PHGDH: variants seen among roughly 807,000 people sequenced by gnomAD.
The protein encoded by PHGDH is D-3-phosphoglycerate dehydrogenase.
Under a neutral mutation model 52.6 loss-of-function variants are expected in PHGDH, and 50 were observed. That is an observed-to-expected ratio of 0.95 (90% CI 0.76 to 1.20). PHGDH has a LOEUF of 1.20. Ranked by LOEUF, PHGDH falls within the 50% of genes most tolerant of loss-of-function variation. The pLI, the probability that PHGDH is intolerant of heterozygous loss-of-function variation, is 0.00. For synonymous variants in PHGDH, 271 were observed against 280.5 expected, an observed-to-expected ratio of 0.97 and a Z score of 0.34; for missense variants, 630 against 684.6, an observed-to-expected ratio of 0.92 and a Z score of 0.89.
At chr1:119,721,044 A>C in intron 1 of PHGDH, 126 bp from the exon 2 acceptor site, 1 of 863,780 alleles carries the variant, frequency 1.2e-6, no homozygotes. Flanking sequence ...ATGAACTGGC[A>C]GTCATCAGTG....
In PHGDH at chr1:119,721,218, GT is replaced by G; in HGVS notation, c.188del (p.Val63AlafsTer34). ...CTCTGCCACCAAGGTGACCGCTGAT[GT>G]CATCAACGCAGCTGAGAAACTCCAG... ...VRSATKVTAD[V>X]INAAEKLQVV... On this transcript the variant is annotated frameshift_variant, in exon 2 of 12. Coordinates refer to ENST00000641023, the MANE Select transcript of PHGDH (RefSeq NM_006623.4). LOFTEE classifies it high-confidence loss of function. 6.2e-7 allele frequency: 1 copy of G among 1,614,210 alleles called. No homozygotes were observed. The highest frequency in any genetic ancestry group is 1.1e-5 in the South Asian group (1 of 91,078).
At position 119,742,892 on chromosome 1, in the gene PHGDH, A is replaced by T; in HGVS notation, c.1295A>T (p.Tyr432Phe). ...LLAVALAGAP[Y>F]QAVGLVQGTT... ...GCCGTGGCCCTGGCAGGCGCCCCTT[A>T]CCAGGCTGTGGGCTTGGTCCAAGGC... is the stretch of plus-strand genomic sequence containing the variant. The change falls in exon 11 of 12, where the codon TAC becomes TTC. Residue 432 changes from tyrosine to phenylalanine, a missense_variant. Coordinates refer to ENST00000641023, the MANE Select transcript of PHGDH (RefSeq NM_006623.4). The T allele has an allele frequency of 1.9e-6, 3 of 1,613,862 alleles. No individual in the cohort carries two copies. Among genetic ancestry groups the T allele is most frequent in the Non-Finnish European group, 2.5e-6 (3 of 1,179,730 alleles).
At chr1:119,726,826 T>A in intron 3 of PHGDH, 25 bp from the exon 4 acceptor site, 1 of 1,610,020 alleles carries the variant, frequency 6.2e-7, no homozygotes, top group Non-Finnish European at 8.5e-7. Flanking sequence ...GAATGGACCC[T>A]CTGAACCTGT....
chr1:119,716,762 T>A (rs1022129777), intron 1 of PHGDH, among the ~76,000 whole-genome samples: 4 of 152,112 alleles, frequency 2.6e-5, no homozygotes, highest in African/African-American at 7.2e-5. Context: ...CTCAGTGTGT[T>A]ACCAATTTTC....
chr1:119,720,863 G>A (rs1651116859), intron 1 of PHGDH: 1 of 406,002 alleles, frequency 2.5e-6, no homozygotes, highest in Non-Finnish European at 4.7e-6. Flanking sequence ...GCATCATGGT[G>A]CTGTCTAGAG....
chr1:119,734,156 A>G (rs587708697), intron 5 of PHGDH: 65 of 285,332 alleles, frequency 2.3e-4, no homozygotes, highest in Non-Finnish European at 3.4e-4. Context: ...TGCAGCTGCC[A>G]TTTCTCCTTC....
At chr1:119,736,962 T>C (rs1051452439) in intron 7 of PHGDH, 152 bp from the exon 8 acceptor site, 4 of 708,430 alleles carry the variant, frequency 5.6e-6, no homozygotes, top group Admixed American at 4.0e-5. Context: ...TGGAAGCCCA[T>C]TATTGAGTCC....
At chr1:119,727,510 G>T (rs1651485860) in intron 5 of PHGDH, 1 of 285,064 alleles carries the variant, frequency 3.5e-6, no homozygotes, top group East Asian at 8.9e-5. Context: ...GGGAGAGAGA[G>T]AATTCAGGGT....
At chr1:119,723,154 A>C (rs1240912658) in intron 2 of PHGDH, among the ~76,000 whole-genome samples, 3 of 152,178 alleles carry the variant, frequency 2.0e-5, no homozygotes, top group Non-Finnish European at 4.4e-5. Context: ...ATGTTTCTCT[A>C]ATGGAGGTCC....
chr1:119,743,045 G>C lies in PHGDH; in HGVS notation c.1447+1G>C. On this transcript the variant is annotated splice_donor_variant, in intron 11 of 11. Coordinates refer to ENST00000641023, the MANE Select transcript of PHGDH (RefSeq NM_006623.4). LOFTEE classifies it high-confidence loss of function. Reference sequence around the variant, plus strand: ...CCTGCAATGCTGCCTACCATGATTGGTGAGGAGGGCCCTGTAGGGCTGGCT... The same window carrying C: ...CCTGCAATGCTGCCTACCATGATTGCTGAGGAGGGCCCTGTAGGGCTGGCT... The C allele has an allele frequency of 6.3e-7, 1 of 1,591,656 alleles. No individual in the cohort carries two copies. Among genetic ancestry groups the C allele is most frequent in the Non-Finnish European group, 8.6e-7 (1 of 1,159,442 alleles).
chr1:119,742,717 A>G, intron 10 of PHGDH, 90 bp from the exon 11 acceptor site: 3 of 814,744 alleles, frequency 3.7e-6, no homozygotes, highest in Admixed American at 4.0e-5. Flanking sequence ...CTGGAGCCCT[A>G]CATCCTACCA....
intron 7 of PHGDH, among the ~76,000 whole-genome samples, chr1:119,735,684 G>A (rs1451474257): frequency 6.6e-6 from 1 of 152,224 alleles, no homozygotes; most frequent in African/African-American, 2.4e-5. Context: ...AGGGGACCCA[G>A]TTCCTGGTTC....
rs185562948 is a variant in PHGDH at position 119,723,692 on chromosome 1, C to T, written c.356+251C>T. ...CATGTTCTATTCTCCATGCTGCAGA[C>T]AATCTGCCTTCTCTAGCCTCCAACT... On this transcript the variant is annotated intron_variant, in intron 3 of 11. Transcript: ENST00000641023. Among the ~76,000 whole-genome samples, 47 of 152,016 alleles carry T rather than the reference C, an allele frequency of 3.1e-4. No homozygotes were observed. The East Asian group carries it at 7.2e-3, about 23-fold the overall frequency.
chr1:119,722,903 A>G (rs1651237718), intron 2 of PHGDH, among the ~76,000 whole-genome samples: 1 of 151,574 alleles, frequency 6.6e-6, no homozygotes, highest in African/African-American at 2.4e-5. Context: ...CTTGTCAAAA[A>G]AAAAAAAAAA....
rs1651853552 is a variant in PHGDH at position 119,734,682 on chromosome 1, G to A, written c.559G>A (p.Gly187Ser). The A allele has an allele frequency of 1.9e-6, 3 of 1,614,096 alleles. No homozygotes were observed. The highest frequency in any genetic ancestry group is 2.5e-6 in the Non-Finnish European group (3 of 1,179,948). Reference sequence around the variant, plus strand: ...TTCCCCAGAGGTCTCGGCCTCCTTTGGTGTTCAGCAGCTGCCCCTGGAGGA... The same window carrying A: ...TTCCCCAGAGGTCTCGGCCTCCTTTAGTGTTCAGCAGCTGCCCCTGGAGGA... ...IISPEVSASF[G>S]VQQLPLEEIW... Residue 187 changes from glycine (G) to serine (S), a missense_variant, in exon 6 of 12, where the codon GGT becomes AGT. Transcript: ENST00000641023.
chr1:119,724,551 C>T, intron 3 of PHGDH: 1 of 363,048 alleles, frequency 2.8e-6, no homozygotes, highest in Non-Finnish European at 5.3e-6. Context: ...GAAGGGGCCC[C>T]CAGGCTGGCA....
intron 1 of PHGDH, chr1:119,713,006 G>A (rs1314537969): frequency 1.3e-5 from 2 of 152,232 alleles, no homozygotes; most frequent in Non-Finnish European, 2.9e-5. Flanking sequence ...ATCTCCTTTT[G>A]TTGTGATATA....
chr1:119,714,921 C>T (rs1245805797), intron 1 of PHGDH, among the ~76,000 whole-genome samples: 1 of 152,150 alleles, frequency 6.6e-6, no homozygotes, highest in Non-Finnish European at 1.5e-5. Context: ...TGTCCCACCC[C>T]TCCACCAACA....
chr1:119,743,885 G>A lies in PHGDH; in HGVS notation c.1448-1G>A. 2 of 1,612,022 alleles carry A rather than the reference G, an allele frequency of 1.2e-6. No individual in the cohort carries two copies. Among genetic ancestry groups the A allele is most frequent in the Non-Finnish European group, 1.7e-6 (2 of 1,178,198 alleles). Reference sequence around the variant, plus strand: ...CAACCAGGAGTTTCTTCTATTTCCAGGCCTCCTGGCAGAGGCAGGCGTGCG... The same window carrying A: ...CAACCAGGAGTTTCTTCTATTTCCAAGCCTCCTGGCAGAGGCAGGCGTGCG... On this transcript the variant is annotated splice_acceptor_variant, in intron 11 of 11. Coordinates refer to ENST00000641023, the MANE Select transcript of PHGDH (RefSeq NM_006623.4). LOFTEE classifies it high-confidence loss of function.
Sources: allele counts gnomAD v4.1 joint callset (sites outside exome capture counted in the v4.1 genomes callset), GRCh38; gene constraint gnomAD v4.1.1; transcripts MANE v1.5; gene names NCBI Gene and HGNC (gene_info 2026-07-23, HGNC 2026-07-21).